ACVR1C: variants seen among roughly 807,000 people sequenced by gnomAD.
ACVR1C encodes activin A receptor type 1C.
A neutral mutation model predicts 57.9 loss-of-function variants in ACVR1C; 23 were observed. The observed-to-expected ratio is 0.40, with a 90% CI of 0.29 to 0.56. The LOEUF is 0.56. ACVR1C is among the 20% of genes least tolerant of loss of function. The pLI, the probability that ACVR1C is intolerant of heterozygous loss-of-function variation, is 0.50. For synonymous variants in ACVR1C, 214 were observed against 215.3 expected, an observed-to-expected ratio of 0.99 and a Z score of 0.05; for missense variants, 480 against 607.9, an observed-to-expected ratio of 0.79 and a Z score of 2.21.
At chr2:157,559,057 C>T (rs1164601564) in intron 2 of ACVR1C, among the ~76,000 whole-genome samples, 1 of 152,112 alleles carries the variant, frequency 6.6e-6, no homozygotes, top group Non-Finnish European at 1.5e-5. Flanking sequence ...CATTAACAAG[C>T]TTATTGATCG....
chr2:157,564,086 C>T (rs1688303879), intron 2 of ACVR1C, among the ~76,000 whole-genome samples: 1 of 152,150 alleles, frequency 6.6e-6, no homozygotes, highest in African/African-American at 2.4e-5. Flanking sequence ...ATGCCAACAG[C>T]AATTGCCACA....
rs372812704 is a variant in ACVR1C, at chr2:157,541,240, T to G, written c.1101-26A>C. ...CTTCAAAAACATGTACATTTCAGATTCTGTCTATGACTTTATAGCAGTCCA... is the reference window on the plus strand; with the variant it reads ...CTTCAAAAACATGTACATTTCAGATGCTGTCTATGACTTTATAGCAGTCCA... On this transcript the variant is annotated intron_variant, in intron 6 of 8. Transcript: ENST00000243349. The G allele has an allele frequency of 6.2e-6, 10 of 1,606,366 alleles. No homozygotes were observed. In the African/African-American group the frequency reaches 1.1e-4, roughly 17 times the overall value.
intron 1 of ACVR1C, among the ~76,000 whole-genome samples, chr2:157,601,263 G>A (rs1045048860): frequency 6.6e-6 from 1 of 152,030 alleles, no homozygotes; most frequent in Non-Finnish European, 1.5e-5. Context: ...GTTGCAGTGA[G>A]CTGAGATTGC....
intron 1 of ACVR1C, among the ~76,000 whole-genome samples, chr2:157,624,662 G>C (rs1228556268): frequency 6.6e-6 from 1 of 152,146 alleles, no homozygotes; most frequent in Non-Finnish European, 1.5e-5. Flanking sequence ...CCTGTGCAAA[G>C]AGTTGGGAGT....
intron 2 of ACVR1C, among the ~76,000 whole-genome samples, chr2:157,565,871 A>G (rs946087591): frequency 3.3e-5 from 5 of 152,176 alleles, no homozygotes; most frequent in African/African-American, 1.2e-4. Flanking sequence ...TCTTTTATCC[A>G]TTAGCATTGG....
intron 1 of ACVR1C, among the ~76,000 whole-genome samples, chr2:157,594,916 A>G (rs984446336): frequency 2.0e-5 from 3 of 152,354 alleles, no homozygotes; most frequent in African/African-American, 4.8e-5. Flanking sequence ...TTGAATACAT[A>G]TGGAAAGGAC....
chr2:157,566,401 C>A (rs140344303), intron 2 of ACVR1C, among the ~76,000 whole-genome samples: 6 of 152,200 alleles, frequency 3.9e-5, no homozygotes, highest in South Asian at 2.1e-4. Flanking sequence ...TAGCTCCCAG[C>A]GTGAGCGACG....
At position 157,597,337 on chromosome 2, in the gene ACVR1C, C is replaced by T. The variant is rs371544141; in HGVS notation, c.74-9920G>A. On this transcript the variant is annotated intron_variant, in intron 1 of 8. Transcript: ENST00000243349. ...CAAAAAGGACCTTGGCACCCCGGCCCGCCCCCGGGGAGCTCCCCTTGCCTG... is the reference window on the plus strand; with the variant it reads ...CAAAAAGGACCTTGGCACCCCGGCCTGCCCCCGGGGAGCTCCCCTTGCCTG... The T allele has an allele frequency of 1.7e-5, 17 of 985,628 alleles. No homozygotes were observed. In the African/African-American group the frequency reaches 1.7e-4, roughly 10 times the overall value. The allele number at this position is 985,628 out of a possible 1,614,324, so 61.1% of individuals were successfully genotyped here.
chr2:157,566,908 G>C (rs926863930), intron 2 of ACVR1C, among the ~76,000 whole-genome samples: 5 of 149,868 alleles, frequency 3.3e-5, no homozygotes, highest in African/African-American at 1.2e-4. Flanking sequence ...CCACCTCTGG[G>C]GGCAGGGCAC....
rs1029103338 is a variant in ACVR1C at position 157,534,043 on chromosome 2, C to G, written c.1357G>C (p.Ala453Pro). Residue 453 changes from alanine (A) to proline (P), a missense_variant and splice_region_variant, in exon 9 of 9, where the codon GCA becomes CCA. Physicochemically the swap from Ala to Pro is conservative, Grantham distance 27 (BLOSUM62 -1). Transcript: ENST00000243349. The part of the protein sequence containing the change: ...SIPNQWQSCE[A>P]LRVMGRIMRE... ...ATTATTCTCCCCATGACTCGGAGTG[C>G]CTTTAAGAGAGAAAAAAAAAATCAA... is the stretch of plus-strand genomic sequence containing the variant. The G allele has an allele frequency of 1.3e-6, 2 of 1,541,056 alleles. No individual in the cohort carries two copies. Among genetic ancestry groups the G allele is most frequent in the East Asian group, 4.7e-5 (2 of 42,556 alleles).
intron 2 of ACVR1C, among the ~76,000 whole-genome samples, chr2:157,575,131 CTTTT>C (rs578208823): frequency 3.6e-5 from 5 of 137,656 alleles, no homozygotes; most frequent in Non-Finnish European, 4.8e-5. Flanking sequence ...CCGGCAAGTT[CTTTT>C]TTTTTTTTTT....
chr2:157,544,872 C>G (rs548302133), intron 4 of ACVR1C, among the ~76,000 whole-genome samples: 7 of 152,210 alleles, frequency 4.6e-5, no homozygotes, highest in African/African-American at 1.7e-4. Context: ...CTGAACAACT[C>G]CTTTCTTATT....
At chr2:157,559,212 G>A (rs1383204290) in intron 2 of ACVR1C, among the ~76,000 whole-genome samples, 1 of 152,120 alleles carries the variant, frequency 6.6e-6, no homozygotes, top group Non-Finnish European at 1.5e-5. Context: ...TCTCAGAGAT[G>A]TTTATTATAG....
rs572728628 is a variant in ACVR1C at position 157,621,845 on chromosome 2, C to T, written c.73+6727G>A. 4.6e-5 allele frequency among the ~76,000 whole-genome samples: 7 copies of T among 152,254 alleles called. No homozygotes were observed. In the East Asian group the frequency reaches 5.8e-4, roughly 13 times the overall value. ...TTTCCTGGAGTTAGAATCCAGGGTT[C>T]GGGTTTATCACAGCTCCTCTACCTT... On this transcript the variant is annotated intron_variant, in intron 1 of 8. Coordinates refer to ENST00000243349, the MANE Select transcript of ACVR1C (RefSeq NM_145259.3).
At chr2:157,612,587 C>CA (rs1318029594) in intron 1 of ACVR1C, among the ~76,000 whole-genome samples, 1 of 152,196 alleles carries the variant, frequency 6.6e-6, no homozygotes, top group African/African-American at 2.4e-5. Context: ...AGCCCAACGT[C>CA]AGAGTCCATG....
rs1046437905 is a variant in ACVR1C at position 157,527,881 on chromosome 2, A to G, written c.*6037T>C. 1 of 152,178 alleles carries G rather than the reference A, an allele frequency of 6.6e-6. No individual in the cohort carries two copies. The highest frequency in any genetic ancestry group is 1.5e-5 in the Non-Finnish European group (1 of 68,020). The allele number at this position is 152,178 out of a possible 1,614,324, so 9.4% of individuals were successfully genotyped here. On this transcript the variant is annotated 3_prime_UTR_variant, in exon 9 of 9. Coordinates refer to ENST00000243349, the MANE Select transcript of ACVR1C (RefSeq NM_145259.3). ...AGTCAGTAATTAGCTCCATGCATAGAATGAAAACTGTATGGACGATATCAA... is the reference window on the plus strand; with the variant it reads ...AGTCAGTAATTAGCTCCATGCATAGGATGAAAACTGTATGGACGATATCAA...
At chr2:157,572,290 G>A (rs1439299833) in intron 2 of ACVR1C, among the ~76,000 whole-genome samples, 6 of 142,788 alleles carry the variant, frequency 4.2e-5, no homozygotes, top group Non-Finnish European at 7.6e-5. Flanking sequence ...TGGGTGCAGC[G>A]CACCAGCATG....
At chr2:157,619,666 C>T (rs1269368336) in intron 1 of ACVR1C, among the ~76,000 whole-genome samples, 4 of 151,934 alleles carry the variant, frequency 2.6e-5, no homozygotes, top group African/African-American at 9.7e-5. Flanking sequence ...ATGTTGCCAA[C>T]ACTTGATATA....
At chr2:157,616,051 G>A (rs1321454144) in intron 1 of ACVR1C, among the ~76,000 whole-genome samples, 1 of 152,128 alleles carries the variant, frequency 6.6e-6, no homozygotes, top group Non-Finnish European at 1.5e-5. Flanking sequence ...GTGGTTTGAT[G>A]TCTTTCATTA....
Sources: gnomAD v4.1 joint callset for allele counts (sites outside exome capture counted in the v4.1 genomes callset) on GRCh38, gnomAD v4.1.1 for gene constraint, MANE v1.5 for transcripts, NCBI Gene and HGNC (gene_info 2026-07-23, HGNC 2026-07-21) for gene names.